ABLIM2: variants seen among roughly 807,000 people sequenced by gnomAD.
ABLIM2 encodes actin binding LIM protein family member 2.
In ABLIM2, 53 loss-of-function variants were observed where a neutral mutation model predicts 97.7. That is an observed-to-expected ratio of 0.54 (90% CI 0.44 to 0.68). ABLIM2 has a LOEUF of 0.68. ABLIM2 is among the 30% of genes least tolerant of loss of function. ABLIM2 has a pLI of 0.00. For synonymous variants in ABLIM2, 361 were observed against 345.8 expected (o/e 1.04, Z -0.49); for missense variants, 835 against 867.2 (o/e 0.96, Z 0.47).
rs1372626211 is a variant in ABLIM2, at chr4:8,085,193, G to A, written c.454+2976C>T. On this transcript the variant is annotated intron_variant, in intron 4 of 20. Coordinates refer to ENST00000447017, the MANE Select transcript of ABLIM2 (RefSeq NM_001130083.2). The surrounding 1 kb of genome is among the most constrained non-coding windows in gnomAD (Gnocchi z 6.1). ...AGCTTGAGCTCTGCCTCAAGAGCCA[G>A]CCACTCTCCCCTCCCCAGGGAGGGG... 6.6e-6 allele frequency among the ~76,000 whole-genome samples: 1 copy of A among 152,068 alleles called. No homozygotes were observed. Among genetic ancestry groups the A allele is most frequent in the East Asian group, 1.9e-4 (1 of 5,158 alleles).
rs1460912048 is a variant in ABLIM2, at chr4:8,032,705, C to T, written c.1048-2929G>A. The T allele has an allele frequency of 6.2e-7, 1 of 1,612,152 alleles. No homozygotes were observed. Among genetic ancestry groups the T allele is most frequent in the Non-Finnish European group, 8.5e-7 (1 of 1,179,776 alleles). On this transcript the variant is annotated intron_variant, in intron 10 of 20. Coordinates refer to ENST00000447017, the MANE Select transcript of ABLIM2 (RefSeq NM_001130083.2). The surrounding 1 kb of genome is among the most constrained non-coding windows in gnomAD (Gnocchi z 4.3). Reference sequence around the variant, plus strand: ...ACTGTGGACACAACACACAAAGTGGCCATTAGTGCTGGCGCCAGGCAGAGA... The same window carrying T: ...ACTGTGGACACAACACACAAAGTGGTCATTAGTGCTGGCGCCAGGCAGAGA...
At chr4:8,100,083 G>T (rs370077821) in intron 2 of ABLIM2, among the ~76,000 whole-genome samples, 1 of 152,170 alleles carries the variant, frequency 6.6e-6, no homozygotes, top group African/African-American at 2.4e-5. Flanking sequence ...AGGCAGGAGA[G>T]GGTGGCGGCT....
chr4:8,158,649 A>G, intron 1 of ABLIM2, 31 bp downstream of exon 1: 1 of 1,503,724 alleles, frequency 6.7e-7, no homozygotes. Flanking sequence ...CAGCGCGGGG[A>G]CCCGTTGGTC....
Position 8,074,089 on chromosome 4 carries a change from C to CAA in ABLIM2, c.675+3537_675+3538dup, listed in dbSNP as rs869080154. Among the ~76,000 whole-genome samples the CAA allele has an allele frequency of 1.3e-3, 61 of 45,702 alleles. 2 individuals carry two copies. The highest frequency in any genetic ancestry group is 2.0e-3 in the African/African-American group (23 of 11,430). 30.0% of individuals were successfully genotyped at this position (45,702 alleles called of 152,430 possible). On this transcript the variant is annotated intron_variant, in intron 6 of 20. Transcript: ENST00000447017. ...ATGACAAGAGTAAAACTCTGTCTCA[C>CAA]AAAAAAAAAAAAAAAAAAAAAAAAA...
In ABLIM2 at chr4:8,106,719, A is replaced by C. The variant is rs553722803; in HGVS notation, c.11-82T>G. On this transcript the variant is annotated intron_variant, in intron 1 of 20. Transcript: ENST00000447017. ...GAGCAAAGCAGGCGTGTGAGGACGC[A>C]CAGCTGACCCTGCCAGCGGGCCCCG... 3.8e-4 allele frequency: 567 copies of C among 1,487,066 alleles called. 3 individuals are homozygous for C. In the African/African-American group the frequency reaches 7.3e-3, roughly 19 times the overall value. 92.1% of individuals were successfully genotyped at this position (1,487,066 alleles called of 1,614,324 possible).
intron 7 of ABLIM2, among the ~76,000 whole-genome samples, chr4:8,056,493 G>A (rs553619809): frequency 1.3e-5 from 2 of 151,578 alleles, no homozygotes; most frequent in Non-Finnish European, 2.9e-5. Flanking sequence ...TAGAGATGGG[G>A]TCTCACTATA....
At chr4:8,048,606 G>A (rs1463184457) in intron 8 of ABLIM2, among the ~76,000 whole-genome samples, 1 of 152,184 alleles carries the variant, frequency 6.6e-6, no homozygotes, top group Non-Finnish European at 1.5e-5. Flanking sequence ...AGAATTGCCG[G>A]GACCGTCTCG....
chr4:8,117,332 T>C (rs990273180), intron 1 of ABLIM2, among the ~76,000 whole-genome samples: 3 of 152,116 alleles, frequency 2.0e-5, no homozygotes, highest in African/African-American at 7.2e-5. Context: ...ACTAACCGAT[T>C]TGCAGCCCAC....
At position 8,112,635 on chromosome 4, in the gene ABLIM2, C is replaced by A. The variant is rs1263311125; in HGVS notation, c.11-5998G>T. 6.6e-6 allele frequency among the ~76,000 whole-genome samples: 1 copy of A among 152,152 alleles called. No individual in the cohort carries two copies. The highest frequency in any genetic ancestry group is 2.4e-5 in the African/African-American group (1 of 41,416). ...GTCCACAAGCATTTTCAGGAAAAGGCAAGACAGTAAATACAGTGTAGGCCC... is the reference window on the plus strand; with the variant it reads ...GTCCACAAGCATTTTCAGGAAAAGGAAAGACAGTAAATACAGTGTAGGCCC... On this transcript the variant is annotated intron_variant, in intron 1 of 20. Transcript: ENST00000447017. This position sits in a 1 kb window ranked among gnomAD's most constrained non-coding sequence, Gnocchi z 4.2.
At position 8,072,414 on chromosome 4, in the gene ABLIM2, C is replaced by T. The variant is rs1028912676; in HGVS notation, c.675+5214G>A. Among the ~76,000 whole-genome samples, 10 of 152,338 alleles carry T rather than the reference C, an allele frequency of 6.6e-5. No individual in the cohort carries two copies. Among genetic ancestry groups the T allele is most frequent in the African/African-American group, 2.2e-4 (9 of 41,582 alleles). Reference sequence around the variant, plus strand: ...GTTTGGGTGGGGTCTGCCCCCGACCCCAGGCCAGGGCCTCTCTGGTGTGGG... The same window carrying T: ...GTTTGGGTGGGGTCTGCCCCCGACCTCAGGCCAGGGCCTCTCTGGTGTGGG... On this transcript the variant is annotated intron_variant, in intron 6 of 20. Transcript: ENST00000447017. This position sits in a 1 kb window ranked among gnomAD's most constrained non-coding sequence, Gnocchi z 5.8.
At chr4:8,118,438 G>A (rs888584816) in intron 1 of ABLIM2, among the ~76,000 whole-genome samples, 2 of 152,126 alleles carry the variant, frequency 1.3e-5, no homozygotes, top group Non-Finnish European at 2.9e-5. Context: ...AATCTGAGTC[G>A]GCCTCACTGC....
intron 15 of ABLIM2, 69 bp from the exon 16 acceptor site, chr4:8,008,269 CCTT>C: frequency 6.8e-7 from 1 of 1,477,064 alleles, no homozygotes; most frequent in Non-Finnish European, 9.3e-7. Context: ...CTCACTGGAC[CCTT>C]CTTGTAGCTT....
Position 8,005,475 on chromosome 4 carries a change from T to TA in ABLIM2, c.1618+2583dup. ...TGCTGTGTGCAAATGCTTTGTTCAGTAAAAGCTGTGTGCAAATGGAACTGG... is the reference window on the plus strand; with the variant it reads ...TGCTGTGTGCAAATGCTTTGTTCAGTAAAAAGCTGTGTGCAAATGGAACTGG... On this transcript the variant is annotated intron_variant, in intron 16 of 20. Transcript: ENST00000447017. The surrounding 1 kb of genome is among the most constrained non-coding windows in gnomAD (Gnocchi z 4.9). 1 of 529,580 alleles carries TA rather than the reference T, an allele frequency of 1.9e-6. No individual in the cohort carries two copies. Among genetic ancestry groups the TA allele is most frequent in the South Asian group, 1.4e-5 (1 of 71,490 alleles). The allele number at this position is 529,580 out of a possible 1,614,324, so 32.8% of individuals were successfully genotyped here.
chr4:8,134,424 C>T (rs1207821646), intron 1 of ABLIM2, among the ~76,000 whole-genome samples: 1 of 152,156 alleles, frequency 6.6e-6, no homozygotes, highest in African/African-American at 2.4e-5. Flanking sequence ...CTGCCCCTCC[C>T]TCTCCACACC....
rs116072477 is a variant in ABLIM2, at chr4:8,128,576, T to A, written c.11-21939A>T. The stretch of plus-strand genomic sequence containing the variant: ...CTCTAAAACACGAATGCACTAAACC[T>A]CCAGTGACCTTGCACAGCAGGTCTC... On this transcript the variant is annotated intron_variant, in intron 1 of 20. Transcript: ENST00000447017. The surrounding 1 kb of genome is among the most constrained non-coding windows in gnomAD (Gnocchi z 4.9). Among the ~76,000 whole-genome samples, 976 of 152,232 alleles carry A rather than the reference T, an allele frequency of 6.4e-3. 7 individuals carry two copies. Among genetic ancestry groups the A allele is most frequent in the African/African-American group, 0.022 (899 of 41,528 alleles).
chr4:8,129,835 C>T (rs997912756), intron 1 of ABLIM2, among the ~76,000 whole-genome samples: 7 of 152,210 alleles, frequency 4.6e-5, no homozygotes, highest in African/African-American at 1.2e-4. Flanking sequence ...ACCCCCTCCC[C>T]GCCATTGTAC....
chr4:8,015,802 G>A lies in ABLIM2; in HGVS notation c.1423+3816C>T, dbSNP rs1345570468. Among the ~76,000 whole-genome samples the A allele has an allele frequency of 1.3e-5, 2 of 152,054 alleles. No individual in the cohort carries two copies. The highest frequency in any genetic ancestry group is 4.8e-5 in the African/African-American group (2 of 41,390). On this transcript the variant is annotated intron_variant, in intron 14 of 20. Transcript: ENST00000447017. This position sits in a 1 kb window ranked among gnomAD's most constrained non-coding sequence, Gnocchi z 4.6. The stretch of plus-strand genomic sequence containing the variant: ...AACTATGAGGACTGTCCCTGCATCT[G>A]GAGAGTCGAACTTACTGGGAAATGT...
intron 20 of ABLIM2, among the ~76,000 whole-genome samples, chr4:7,967,603 C>T (rs1723947843): frequency 6.6e-6 from 1 of 152,200 alleles, no homozygotes; most frequent in African/African-American, 2.4e-5. Flanking sequence ...GGCCCAGGCG[C>T]AAATCCTCCC....
chr4:8,035,619 C>T (rs1374864488), intron 10 of ABLIM2, among the ~76,000 whole-genome samples: 2 of 152,178 alleles, frequency 1.3e-5, no homozygotes, highest in Non-Finnish European at 2.9e-5. Flanking sequence ...CAGAGCAGCT[C>T]TGAATAAGAA....
Sources: gnomAD v4.1 joint callset for allele counts (sites outside exome capture counted in the v4.1 genomes callset) on GRCh38, gnomAD v4.1.1 for gene constraint, Gnocchi (gnomAD v3.1) non-coding constraint, MANE v1.5 for transcripts, NCBI Gene and HGNC (gene_info 2026-07-23, HGNC 2026-07-21) for gene names.